The following DACH2 variants were observed in gnomAD, a reference collection of about 807,000 sequenced individuals.
The protein encoded by DACH2 is dachshund family transcription factor 2, also known as dachshund homolog 2.
DACH2 carries 17 observed loss-of-function variants against 35.8 expected under a neutral mutation model. The observed-to-expected ratio is 0.48, with a 90% CI of 0.33 to 0.71. DACH2 has a LOEUF of 0.71. Ranked by LOEUF, DACH2 falls within the 30% of genes least tolerant of loss-of-function variation. The pLI, the probability that DACH2 is intolerant of heterozygous loss-of-function variation, is 0.02. For synonymous variants in DACH2, 195 were observed against 177.3 expected (o/e 1.10, Z -0.79); for missense variants, 469 against 472.7 (o/e 0.99, Z 0.07).
chrX:86,710,427 T>G (rs1174890492), intron 5 of DACH2, among the ~76,000 whole-genome samples: 1 of 112,066 alleles, frequency 8.9e-6, no homozygotes, highest in African/African-American at 3.2e-5. Flanking sequence ...TATTGATTTT[T>G]CAAATGTAGA....
intron 1 of DACH2, chrX:86,160,712 A>G: frequency 4.2e-6 from 2 of 470,648 alleles, no homozygotes; most frequent in Non-Finnish European, 3.8e-6. Context: ...GTTCCCAGGA[A>G]TAAAGCTTTA....
At chrX:86,826,404 G>A (rs2042562683) in intron 11 of DACH2, among the ~76,000 whole-genome samples, 2 of 110,893 alleles carry the variant, frequency 1.8e-5, no homozygotes, top group African/African-American at 6.5e-5. Flanking sequence ...ATATTTTTAA[G>A]GCTAATGAGC....
chrX:86,345,300 T>C (rs1288466972), intron 1 of DACH2: 1 of 170,158 alleles, frequency 5.9e-6, no homozygotes, highest in African/African-American at 3.1e-5. Flanking sequence ...AACCTTATTA[T>C]AGTAGCTCCA....
intron 6 of DACH2, among the ~76,000 whole-genome samples, chrX:86,724,315 C>T (rs904789917): frequency 7.2e-5 from 8 of 111,723 alleles, no homozygotes; most frequent in African/African-American, 1.9e-4. Context: ...CACATGTTTT[C>T]GTGATGGCGA....
At chrX:86,407,228 T>C (rs1012146189) in intron 2 of DACH2, among the ~76,000 whole-genome samples, 2 of 112,096 alleles carry the variant, frequency 1.8e-5, no homozygotes, top group African/African-American at 6.5e-5. Context: ...CTTGGATTTA[T>C]ATCCCCACAA....
At chrX:86,254,678 G>A (rs935857158) in intron 1 of DACH2, among the ~76,000 whole-genome samples, 32 of 99,742 alleles carry the variant, frequency 3.2e-4, no homozygotes, top group African/African-American at 8.9e-4. Context: ...TGTGTGTTTC[G>A]TAAGAATTGA....
At chrX:86,406,935 A>G (rs990323805) in intron 2 of DACH2, among the ~76,000 whole-genome samples, 2 of 112,191 alleles carry the variant, frequency 1.8e-5, no homozygotes, top group Non-Finnish European at 3.8e-5. Context: ...TAAAATGAAA[A>G]TGGGAGGGAA....
At chrX:86,620,839 C>T (rs1036830142) in intron 3 of DACH2, among the ~76,000 whole-genome samples, 13 of 109,886 alleles carry the variant, frequency 1.2e-4, no homozygotes, top group African/African-American at 4.3e-4. Context: ...TAATCTACCC[C>T]GTGTTTTTCA....
chrX:86,227,558 C>G (rs1345364906), intron 1 of DACH2, among the ~76,000 whole-genome samples: 2 of 110,950 alleles, frequency 1.8e-5, no homozygotes, highest in Admixed American at 1.9e-4. Context: ...CTTGAAATTC[C>G]CAGCATTAGG....
At position 86,495,907 on chromosome X, in the gene DACH2, A is replaced by G. The variant is rs188434057; in HGVS notation, c.528-18372A>G. Among the ~76,000 whole-genome samples the G allele has an allele frequency of 4.6e-3, 518 of 111,648 alleles. 1 individual carries two copies. The highest frequency in any genetic ancestry group is 7.9e-3 in the Non-Finnish European group (422 of 53,160). Reference sequence around the variant, plus strand: ...TTTCTTTTCTAAAAAATGGAACAATAGTACCTAAGATGTTACAATAGGTAC... The same window carrying G: ...TTTCTTTTCTAAAAAATGGAACAATGGTACCTAAGATGTTACAATAGGTAC... On this transcript the variant is annotated intron_variant, in intron 2 of 11. Transcript: ENST00000373125.
chrX:86,229,370 C>G (rs1198337865), intron 1 of DACH2, among the ~76,000 whole-genome samples: 1 of 111,946 alleles, frequency 8.9e-6, no homozygotes. Context: ...GTGACTATGG[C>G]CTTATAGTAT....
intron 1 of DACH2, among the ~76,000 whole-genome samples, chrX:86,204,293 G>A (rs1221768607): frequency 1.8e-5 from 2 of 111,972 alleles, no homozygotes; most frequent in Non-Finnish European, 3.8e-5. Flanking sequence ...CAAATTTCCG[G>A]TGGAAAGACA....
At chrX:86,328,239 G>A (rs778855283) in intron 1 of DACH2, among the ~76,000 whole-genome samples, 1 of 111,519 alleles carries the variant, frequency 9.0e-6, no homozygotes, top group African/African-American at 3.3e-5. Flanking sequence ...GAAAATCTTA[G>A]TCTAGATATC....
intron 1 of DACH2, among the ~76,000 whole-genome samples, chrX:86,355,319 A>G (rs758525670): frequency 1.8e-5 from 2 of 111,612 alleles, no homozygotes; most frequent in Non-Finnish European, 3.8e-5. Context: ...GGCGATGAGC[A>G]TATGTGTGTA....
intron 2 of DACH2, among the ~76,000 whole-genome samples, chrX:86,480,082 T>C (rs1335705439): frequency 8.9e-6 from 1 of 112,031 alleles, no homozygotes; most frequent in Admixed American, 9.5e-5. Context: ...TTTATTGTGG[T>C]CTTCATAGTC....
intron 2 of DACH2, among the ~76,000 whole-genome samples, chrX:86,482,757 T>C (rs2037957348): frequency 9.1e-6 from 1 of 110,245 alleles, no homozygotes; most frequent in African/African-American, 3.3e-5. Context: ...TATCTCATTG[T>C]GGTTTTGATT....
At chrX:86,294,123 C>T (rs1177906062) in intron 1 of DACH2, among the ~76,000 whole-genome samples, 1 of 111,225 alleles carries the variant, frequency 9.0e-6, no homozygotes, top group Non-Finnish European at 1.9e-5. Context: ...TTGCTCGTTT[C>T]TTTTTATTCT....
At chrX:86,465,344 C>T (rs893383867) in intron 2 of DACH2, among the ~76,000 whole-genome samples, 2 of 111,943 alleles carry the variant, frequency 1.8e-5, no homozygotes, top group African/African-American at 6.5e-5. Flanking sequence ...TGAAAGGAGC[C>T]TGATGTGCCC....
At chrX:86,780,495 C>A (rs5968992) in intron 7 of DACH2, among the ~76,000 whole-genome samples, 3,456 of 111,921 alleles carry the variant, frequency 0.031, 145 homozygotes, top group African/African-American at 0.11. Context: ...AGGAACCAGA[C>A]AGATCTCTTA....
Sources: gnomAD v4.1 joint callset for allele counts (sites outside exome capture counted in the v4.1 genomes callset) on GRCh38, gnomAD v4.1.1 for gene constraint, MANE v1.5 for transcripts, NCBI Gene and HGNC (gene_info 2026-07-23, HGNC 2026-07-21) for gene names.